The following MIPOL1 variants were observed in gnomAD, a reference collection of about 807,000 sequenced individuals.
MIPOL1 encodes the protein mirror-image polydactyly gene 1 protein.
In MIPOL1, 57 loss-of-function variants were observed where a neutral mutation model predicts 60.9. That is an observed-to-expected ratio of 0.94 (90% CI 0.76 to 1.17). The LOEUF is 1.17. Among genes scored for constraint, MIPOL1 ranks in the 50% most tolerant of loss-of-function variants. The pLI, the probability that MIPOL1 is intolerant of heterozygous loss-of-function variation, is 0.00. For missense variants in MIPOL1, 551 were observed against 511.6 expected (o/e 1.08, Z -0.74); for synonymous variants, 179 against 168.8 (o/e 1.06, Z -0.47).
intron 1 of MIPOL1, 138 bp from the exon 2 acceptor site, chr14:37,246,965 A>C (rs536167842): frequency 6.6e-6 from 1 of 152,188 alleles, no homozygotes; most frequent in East Asian, 1.9e-4. Context: ...TAAAGACTGT[A>C]TTTTCTACAT....
intron 9 of MIPOL1, among the ~76,000 whole-genome samples, chr14:37,351,965 A>G (rs1322040697): frequency 2.1e-5 from 3 of 145,184 alleles, no homozygotes; most frequent in African/African-American, 7.6e-5. Flanking sequence ...TGTTTTAGAC[A>G]TGAAGTCCTT....
At position 37,510,689 on chromosome 14, in the gene MIPOL1, T is replaced by G. The variant is rs116720781; in HGVS notation, c.1262+10551T>G. Among the ~76,000 whole-genome samples, 862 of 152,296 alleles carry G rather than the reference T, an allele frequency of 5.7e-3. 12 individuals are homozygous for G. The highest frequency in any genetic ancestry group is 0.019 in the African/African-American group (809 of 41,570). Reference sequence around the variant, plus strand: ...GTAAAGTAAGTACTCTGTAAATTGATGAACAAATCAACTATAACAATTTAG... The same window carrying G: ...GTAAAGTAAGTACTCTGTAAATTGAGGAACAAATCAACTATAACAATTTAG... On this transcript the variant is annotated intron_variant, in intron 12 of 12. Coordinates refer to ENST00000684589, the MANE Select transcript of MIPOL1 (RefSeq NM_001388067.1).
At chr14:37,411,800 G>T (rs997419749) in intron 10 of MIPOL1, among the ~76,000 whole-genome samples, 1 of 152,062 alleles carries the variant, frequency 6.6e-6, no homozygotes, top group Non-Finnish European at 1.5e-5. Flanking sequence ...TGAACTTATA[G>T]TTTAAGCTAA....
At chr14:37,347,384 A>G (rs1362634244) in intron 9 of MIPOL1, among the ~76,000 whole-genome samples, 1 of 152,348 alleles carries the variant, frequency 6.6e-6, no homozygotes, top group South Asian at 2.1e-4. Flanking sequence ...AATGAAGAGT[A>G]GATACGGCTG....
At chr14:37,440,777 C>A (rs1246707031) in intron 11 of MIPOL1, among the ~76,000 whole-genome samples, 1 of 152,004 alleles carries the variant, frequency 6.6e-6, no homozygotes, top group Non-Finnish European at 1.5e-5. Flanking sequence ...AGGTAGGTAC[C>A]AAGTAGTAGT....
At chr14:37,364,903 C>G (rs769525076) in intron 9 of MIPOL1, among the ~76,000 whole-genome samples, 8 of 152,056 alleles carry the variant, frequency 5.3e-5, no homozygotes, top group Non-Finnish European at 8.8e-5. Flanking sequence ...TTTCTGTCAT[C>G]AGTGTTTTAT....
chr14:37,409,949 G>A (rs1355051591), intron 10 of MIPOL1, among the ~76,000 whole-genome samples: 2 of 152,116 alleles, frequency 1.3e-5, no homozygotes, highest in South Asian at 2.1e-4. Flanking sequence ...GAGAATACAG[G>A]CGATCCAGGA....
intron 11 of MIPOL1, among the ~76,000 whole-genome samples, chr14:37,458,425 C>G (rs1359176645): frequency 2.0e-5 from 3 of 152,098 alleles, no homozygotes; most frequent in Non-Finnish European, 4.4e-5. Context: ...GGCCATAAAA[C>G]AAGTCTTAAT....
At chr14:37,374,947 G>A (rs981953519) in intron 10 of MIPOL1, among the ~76,000 whole-genome samples, 5 of 152,148 alleles carry the variant, frequency 3.3e-5, no homozygotes, top group Non-Finnish European at 7.3e-5. Context: ...GATGGCGATA[G>A]CATTGAATCT....
intron 9 of MIPOL1, among the ~76,000 whole-genome samples, chr14:37,361,822 T>A (rs1378837347): frequency 1.3e-5 from 2 of 152,018 alleles, no homozygotes; most frequent in African/African-American, 4.8e-5. Flanking sequence ...TTAGCCAGGA[T>A]GGTCTCAATC....
intron 9 of MIPOL1, among the ~76,000 whole-genome samples, chr14:37,355,445 C>T (rs1278746766): frequency 1.3e-5 from 2 of 150,384 alleles, no homozygotes; most frequent in East Asian, 2.0e-4. Flanking sequence ...TGAATCTGAA[C>T]GTTGGCCTGC....
chr14:37,343,072 C>T (rs1159720467), intron 9 of MIPOL1, among the ~76,000 whole-genome samples: 1 of 150,610 alleles, frequency 6.6e-6, no homozygotes, highest in Non-Finnish European at 1.5e-5. Flanking sequence ...GATATGTTGC[C>T]TAATGGATGC....
intron 9 of MIPOL1, among the ~76,000 whole-genome samples, chr14:37,337,356 A>AT (rs33972471): frequency 1.3e-4 from 4 of 30,058 alleles, no homozygotes; most frequent in African/African-American, 5.7e-4. Context: ...ATATATATAT[A>AT]TTTTTTTTTT....
chr14:37,244,376 C>T (rs1972849089), intron 1 of MIPOL1, among the ~76,000 whole-genome samples: 1 of 151,740 alleles, frequency 6.6e-6, no homozygotes, highest in Admixed American at 6.6e-5. Flanking sequence ...CAGCCTTGGC[C>T]TCCCAAAGTG....
rs755943548 is a variant in MIPOL1, at chr14:37,285,298, C to T, written c.494-20C>T. 1.1e-5 allele frequency: 18 copies of T among 1,612,112 alleles called. No individual in the cohort carries two copies. Among genetic ancestry groups the T allele is most frequent in the South Asian group, 7.7e-5 (7 of 90,778 alleles). ...CCTTTATTTTGTATGATTGATTGTG[C>T]GCTTTATATATTTTGGTAGCTCTGG... is the stretch of plus-strand genomic sequence containing the variant. On this transcript the variant is annotated intron_variant, in intron 6 of 12. Coordinates refer to ENST00000684589, the MANE Select transcript of MIPOL1 (RefSeq NM_001388067.1).
At chr14:37,485,571 A>G (rs188931429) in intron 11 of MIPOL1, among the ~76,000 whole-genome samples, 1 of 152,088 alleles carries the variant, frequency 6.6e-6, no homozygotes. Flanking sequence ...ATTTGCATTT[A>G]TCTAATGACC....
chr14:37,528,408 C>G (rs938300635), intron 12 of MIPOL1, among the ~76,000 whole-genome samples: 1 of 151,872 alleles, frequency 6.6e-6, no homozygotes, highest in South Asian at 2.1e-4. Context: ...TTGCACATAT[C>G]TGTGCAAATG....
chr14:37,253,938 C>G (rs74047267), intron 3 of MIPOL1, among the ~76,000 whole-genome samples: 1,524 of 151,750 alleles, frequency 0.01, 21 homozygotes, highest in African/African-American at 0.035. Context: ...TTTAAGATTG[C>G]ATTTAAAAAA....
chr14:37,364,745 T>C (rs928041323), intron 9 of MIPOL1, among the ~76,000 whole-genome samples: 1 of 152,198 alleles, frequency 6.6e-6, no homozygotes, highest in South Asian at 2.1e-4. Flanking sequence ...GATTGTTTTT[T>C]CTATTTCTGT....
Sources: gnomAD v4.1 joint callset for allele counts (sites outside exome capture counted in the v4.1 genomes callset) on GRCh38, gnomAD v4.1.1 for gene constraint, MANE v1.5 for transcripts, NCBI Gene and HGNC (gene_info 2026-07-23, HGNC 2026-07-21) for gene names.